Variants in CACNG2 observed in about 807,000 individuals in gnomAD.
CACNG2 encodes the protein voltage-dependent calcium channel gamma-2 subunit.
A neutral mutation model predicts 25.9 loss-of-function variants in CACNG2; 3 were observed. The observed-to-expected ratio is 0.12, with a 90% confidence interval of 0.05 to 0.30. The LOEUF (loss-of-function observed/expected upper bound fraction) is 0.30. CACNG2 is among the 10% of genes least tolerant of loss of function. The probability of loss-of-function intolerance (pLI) is 1.00; values close to 1 mark genes in which losing one functional copy is unlikely to be tolerated. For missense variants in CACNG2, 341 were observed against 432.5 expected (o/e 0.79, Z 1.88); for synonymous variants, 167 against 173.3 (o/e 0.96, Z 0.29).
In CACNG2 at chr22:36,619,104, G is replaced by A. The variant is rs116048381; in HGVS notation, c.212-31556C>T. Among the ~76,000 whole-genome samples the A allele has an allele frequency of 5.5e-3, 840 of 152,280 alleles. 12 individuals are homozygous for A. The highest frequency in any genetic ancestry group is 0.019 in the African/African-American group (806 of 41,552). ...CTAATGTTATTATTTCTACTCAGAT[G>A]AGGAAACCGAGACCCAGAAAGGTGA... is the stretch of plus-strand genomic sequence containing the variant. On this transcript the variant is annotated intron_variant, in intron 1 of 3. Coordinates refer to ENST00000300105, the MANE Select transcript of CACNG2 (RefSeq NM_006078.5).
chr22:36,581,089 T>G (rs1207781204), intron 2 of CACNG2, among the ~76,000 whole-genome samples: 1 of 152,112 alleles, frequency 6.6e-6, no homozygotes, highest in Non-Finnish European at 1.5e-5. Flanking sequence ...CTCCTTAATC[T>G]TTGGTTAATG....
intron 1 of CACNG2, among the ~76,000 whole-genome samples, chr22:36,645,130 C>A (rs1329265400): frequency 2.0e-5 from 3 of 152,112 alleles, no homozygotes; most frequent in Non-Finnish European, 2.9e-5. Flanking sequence ...GTTCATCAAC[C>A]CCAGAGGTGA....
chr22:36,662,023 G>A (rs6000375), intron 1 of CACNG2, among the ~76,000 whole-genome samples: 136,509 of 140,620 alleles, frequency 0.97, 66,275 homozygotes, highest in East Asian at 1. Flanking sequence ...TCTGTCACCC[G>A]GGCTGGAGTG....
intron 1 of CACNG2, among the ~76,000 whole-genome samples, chr22:36,599,119 CAACA>C (rs1320239528): frequency 1.3e-5 from 2 of 152,282 alleles, no homozygotes; most frequent in African/African-American, 4.8e-5. Flanking sequence ...CTTATAACAA[CAACA>C]AACTTGGAAT....
At chr22:36,613,554 C>T (rs922661274) in intron 1 of CACNG2, among the ~76,000 whole-genome samples, 1 of 152,138 alleles carries the variant, frequency 6.6e-6, no homozygotes, top group East Asian at 1.9e-4. Flanking sequence ...GCAAGGTCCT[C>T]TTCCTCTGAT....
At chr22:36,625,812 A>G (rs1341128844) in intron 1 of CACNG2, among the ~76,000 whole-genome samples, 1 of 152,224 alleles carries the variant, frequency 6.6e-6, no homozygotes, top group African/African-American at 2.4e-5. Flanking sequence ...AAAATTGAGA[A>G]CAAGTGCTAC....
At chr22:36,658,167 A>C (rs1248987428) in intron 1 of CACNG2, among the ~76,000 whole-genome samples, 2 of 152,156 alleles carry the variant, frequency 1.3e-5, no homozygotes, top group Non-Finnish European at 2.9e-5. Flanking sequence ...CTGAACAAAG[A>C]CCTCACAAAG....
In CACNG2 at chr22:36,561,981, C is replaced by G. The variant is rs1935035773; in HGVS notation, c.*2370G>C. On this transcript the variant is annotated 3_prime_UTR_variant, in exon 4 of 4. Transcript: ENST00000300105. ...TCTTTTTCACAGACCCCCAAAGACA[C>G]TGGGGAAGCCCTGGTGGCAGAGCTC... 1 of 152,304 alleles carries G rather than the reference C, an allele frequency of 6.6e-6. No homozygotes were observed. Among genetic ancestry groups the G allele is most frequent in the Admixed American group, 6.5e-5 (1 of 15,288 alleles). 9.4% of individuals were successfully genotyped at this position (152,304 alleles called of 1,614,324 possible).
At chr22:36,633,182 G>T (rs1936302334) in intron 1 of CACNG2, among the ~76,000 whole-genome samples, 1 of 151,908 alleles carries the variant, frequency 6.6e-6, no homozygotes, top group South Asian at 2.1e-4. Flanking sequence ...TTCAAAGCAC[G>T]CATCAACACC....
chr22:36,701,353 GAGT>G (rs1937409260), intron 1 of CACNG2, among the ~76,000 whole-genome samples: 1 of 151,796 alleles, frequency 6.6e-6, no homozygotes, highest in South Asian at 2.1e-4. Flanking sequence ...TGACCCACAG[GAGT>G]TTTTTTTTCT....
At chr22:36,664,572 A>G (rs996210956) in intron 1 of CACNG2, among the ~76,000 whole-genome samples, 3 of 152,120 alleles carry the variant, frequency 2.0e-5, no homozygotes, top group African/African-American at 7.2e-5. Context: ...CCTGTCCAAG[A>G]CCTCACACTG....
chr22:36,688,842 T>C (rs979718142), intron 1 of CACNG2, among the ~76,000 whole-genome samples: 1 of 152,164 alleles, frequency 6.6e-6, no homozygotes, highest in Non-Finnish European at 1.5e-5. Context: ...AGCCCCCACC[T>C]GGAGCCCCAA....
At chr22:36,577,316 T>A (rs1164073590) in intron 2 of CACNG2, among the ~76,000 whole-genome samples, 1 of 152,186 alleles carries the variant, frequency 6.6e-6, no homozygotes, top group Non-Finnish European at 1.5e-5. Context: ...GACTCATTAC[T>A]AGGTCATGAA....
At chr22:36,640,294 G>A (rs1366445826) in intron 1 of CACNG2, among the ~76,000 whole-genome samples, 2 of 152,240 alleles carry the variant, frequency 1.3e-5, no homozygotes, top group Non-Finnish European at 2.9e-5. Context: ...GTTAAGTGTT[G>A]ACGATTGTTA....
intron 1 of CACNG2, among the ~76,000 whole-genome samples, chr22:36,605,740 G>A (rs139759012): frequency 3.5e-4 from 53 of 152,290 alleles, no homozygotes; most frequent in Non-Finnish European, 4.9e-4. Flanking sequence ...TGGGCCCCAC[G>A]GTCGGGGCAC....
chr22:36,699,640 GT>G (rs1937385835), intron 1 of CACNG2, among the ~76,000 whole-genome samples: 1 of 136,720 alleles, frequency 7.3e-6, no homozygotes, highest in Non-Finnish European at 1.5e-5. Flanking sequence ...AGATCAAGTG[GT>G]TAAGGGGTGG....
At chr22:36,673,971 G>T (rs975401452) in intron 1 of CACNG2, among the ~76,000 whole-genome samples, 7 of 152,206 alleles carry the variant, frequency 4.6e-5, no homozygotes, top group Non-Finnish European at 1.0e-4. Context: ...GGGGTCCCCT[G>T]TGACTCTCTC....
chr22:36,655,654 T>C (rs990514400), intron 1 of CACNG2, among the ~76,000 whole-genome samples: 1 of 149,994 alleles, frequency 6.7e-6, no homozygotes, highest in South Asian at 2.1e-4. Flanking sequence ...ACTTAAGACT[T>C]TCTTTCTTTT....
chr22:36,702,495 C>G lies in CACNG2; in HGVS notation c.82G>C (p.Val28Leu). 1 of 1,614,138 alleles carries G rather than the reference C, an allele frequency of 6.2e-7. No individual in the cohort carries two copies. The highest frequency in any genetic ancestry group is 8.5e-7 in the Non-Finnish European group (1 of 1,180,020). The stretch of plus-strand genomic sequence containing the variant: ...GAGTAGAGCCAATAGTCGGTTCCCA[C>G]AGCTATGGTCATCAGGCTGAAGGCA... ...FAAFSLMTIA[V>L]GTDYWLYSRG... The change falls in exon 1 of 4, where the codon GTG (valine) becomes CTG (leucine). Residue 28 changes from valine (V) to leucine (L), a missense_variant. Around this residue, in one of 2 missense-constraint regions of CACNG2, gnomAD observed 169 missense variants for 254.4 expected, o/e 0.66. Transcript: ENST00000300105.
Sources: gnomAD v4.1 joint callset for allele counts (sites outside exome capture counted in the v4.1 genomes callset) on GRCh38, gnomAD v4.1.1 for gene constraint, gnomAD v4.1.1 regional missense constraint, MANE v1.5 for transcripts, NCBI Gene and HGNC (gene_info 2026-07-23, HGNC 2026-07-21) for gene names.